Variants in PCDH7 observed in about 807,000 individuals in gnomAD.
PCDH7 encodes protocadherin-7.
PCDH7 carries 17 observed loss-of-function variants against 58.9 expected under a neutral mutation model. The observed-to-expected ratio is 0.29, with a 90% CI of 0.20 to 0.43. The LOEUF is 0.43. PCDH7 is among the 20% of genes least tolerant of loss of function. PCDH7 has a pLI of 1.00. For synonymous variants in PCDH7, 664 were observed against 616.4 expected, an observed-to-expected ratio of 1.08 and a Z score of -1.14; for missense variants, 1,274 against 1,441.0, an observed-to-expected ratio of 0.88 and a Z score of 1.88.
chr4:30,806,187 CA>C (rs1052224663), intron 1 of PCDH7, among the ~76,000 whole-genome samples: 2 of 152,136 alleles, frequency 1.3e-5, no homozygotes, highest in African/African-American at 2.4e-5. Context: ...TCCAGTCCCC[CA>C]AATTGGTACA....
chr4:30,818,245 T>C (rs920982815), intron 1 of PCDH7, among the ~76,000 whole-genome samples: 1 of 152,172 alleles, frequency 6.6e-6, no homozygotes, highest in African/African-American at 2.4e-5. Context: ...TTGGGATATA[T>C]ATGTATAGTG....
At chr4:30,750,610 T>A (rs1461935390) in intron 1 of PCDH7, among the ~76,000 whole-genome samples, 1 of 152,170 alleles carries the variant, frequency 6.6e-6, no homozygotes, top group African/African-American at 2.4e-5. Context: ...TAGAGATATT[T>A]TGTGTTTGCT....
intron 3 of PCDH7, among the ~76,000 whole-genome samples, chr4:31,049,405 T>C (rs1448145083): frequency 6.6e-6 from 1 of 152,092 alleles, no homozygotes; most frequent in Non-Finnish European, 1.5e-5. Context: ...TAGGCCCTAG[T>C]TAGGAGAAAC....
At chr4:30,865,909 A>G (rs985973471) in intron 1 of PCDH7, among the ~76,000 whole-genome samples, 1 of 152,074 alleles carries the variant, frequency 6.6e-6, no homozygotes, top group African/African-American at 2.4e-5. Flanking sequence ...GCCTGAGAGA[A>G]TAGCAGATGC....
intron 3 of PCDH7, among the ~76,000 whole-genome samples, chr4:31,092,154 TA>T (rs1713338667): frequency 6.6e-6 from 1 of 152,098 alleles, no homozygotes. Context: ...AATCAACAAA[TA>T]TTTTCTATAT....
chr4:30,884,341 C>CGTGTTGACGGTGAAGCT (rs1359898685), intron 1 of PCDH7: 2 of 151,628 alleles, frequency 1.3e-5, no homozygotes, highest in Non-Finnish European at 2.9e-5. Context: ...TCCAGCTTTG[C>CGTGTTGACGGTGAAGCT]GTGTTGACGG....
intron 1 of PCDH7, among the ~76,000 whole-genome samples, chr4:30,754,270 A>T (rs1718988186): frequency 6.6e-6 from 1 of 152,060 alleles, no homozygotes; most frequent in South Asian, 2.1e-4. Flanking sequence ...TCCTGAAAAA[A>T]GTTTAGCTCT....
chr4:30,749,407 G>A (rs1718208399), intron 1 of PCDH7, among the ~76,000 whole-genome samples: 1 of 152,160 alleles, frequency 6.6e-6, no homozygotes, highest in South Asian at 2.1e-4. Flanking sequence ...GTAGTGGGAA[G>A]AGAGGAGGAA....
chr4:31,100,677 A>G (rs1375601139), intron 3 of PCDH7, among the ~76,000 whole-genome samples: 2 of 152,212 alleles, frequency 1.3e-5, no homozygotes, highest in African/African-American at 4.8e-5. Context: ...ACAACACTGG[A>G]TCCCAGATCT....
chr4:31,036,605 A>T (rs1049097113), intron 3 of PCDH7, among the ~76,000 whole-genome samples: 9 of 152,202 alleles, frequency 5.9e-5, no homozygotes, highest in African/African-American at 2.2e-4. Flanking sequence ...ATTGAATTAG[A>T]GAGTGAACTA....
chr4:31,126,877 A>G (rs1265471930), intron 3 of PCDH7, among the ~76,000 whole-genome samples: 4 of 152,200 alleles, frequency 2.6e-5, no homozygotes, highest in African/African-American at 9.6e-5. Flanking sequence ...GGATTGATTT[A>G]TTTGAATTGT....
At chr4:30,871,364 A>G (rs1578117686) in intron 1 of PCDH7, among the ~76,000 whole-genome samples, 1 of 151,984 alleles carries the variant, frequency 6.6e-6, no homozygotes. Context: ...CATGACCTGT[A>G]GGACCTCTGA....
chr4:31,121,788 G>A (rs749842884), intron 3 of PCDH7, among the ~76,000 whole-genome samples: 8 of 152,064 alleles, frequency 5.3e-5, no homozygotes, highest in African/African-American at 9.7e-5. Flanking sequence ...CATAATGATA[G>A]TAACTTGGTG....
chr4:30,990,371 G>A (rs1324963149), intron 3 of PCDH7, among the ~76,000 whole-genome samples: 1 of 151,886 alleles, frequency 6.6e-6, no homozygotes, highest in African/African-American at 2.4e-5. Context: ...CAGCATGATA[G>A]CAACTTGAAT....
chr4:31,083,887 A>C (rs1163314847), intron 3 of PCDH7, among the ~76,000 whole-genome samples: 1 of 152,252 alleles, frequency 6.6e-6, no homozygotes. Flanking sequence ...TGCTGGAATA[A>C]TAAATAGGAA....
At chr4:31,142,355 G>C (rs576506680) in intron 3 of PCDH7, 118 bp from the exon 3 acceptor site, 1 of 969,394 alleles carries the variant, frequency 1.0e-6, no homozygotes, top group Admixed American at 2.8e-5. Context: ...GAGGGTGTTG[G>C]GAAATGAGAA....
At chr4:31,097,794 T>G (rs2109296202) in intron 3 of PCDH7, among the ~76,000 whole-genome samples, 1 of 151,578 alleles carries the variant, frequency 6.6e-6, no homozygotes, top group South Asian at 2.1e-4. Context: ...ATATGTGTGC[T>G]TTTCTTTTTT....
intron 3 of PCDH7, among the ~76,000 whole-genome samples, chr4:30,994,664 T>C (rs985226934): frequency 2.0e-5 from 3 of 152,186 alleles, no homozygotes; most frequent in African/African-American, 7.2e-5. Flanking sequence ...TAGGTTTCTG[T>C]GTTCAGGTTT....
intron 3 of PCDH7, among the ~76,000 whole-genome samples, chr4:30,998,769 C>G (rs1229402455): frequency 1.3e-5 from 2 of 152,036 alleles, no homozygotes; most frequent in South Asian, 4.1e-4. Flanking sequence ...TAATCAGGAA[C>G]AGCTAGAATT....
Sources: gnomAD v4.1 joint callset for allele counts (sites outside exome capture counted in the v4.1 genomes callset) on GRCh38, gnomAD v4.1.1 for gene constraint, MANE v1.5 for transcripts, NCBI Gene and HGNC (gene_info 2026-07-23, HGNC 2026-07-21) for gene names.